The following EPHA10 variants were observed in gnomAD, a reference collection of about 807,000 sequenced individuals.
EPHA10 encodes the protein EPH receptor A10.
EPHA10 carries 120 observed loss-of-function variants against 109.7 expected under a neutral mutation model. That is an observed-to-expected ratio of 1.09 (90% confidence interval 0.94 to 1.27). EPHA10 has a LOEUF of 1.27. Among genes scored for constraint, EPHA10 ranks in the 50% most tolerant of loss-of-function variants. The pLI, the probability that EPHA10 is intolerant of heterozygous loss-of-function variation, is 0.00. For synonymous variants in EPHA10, 640 were observed against 618.9 expected (o/e 1.03, Z -0.51); for missense variants, 1,396 against 1,411.1 (o/e 0.99, Z 0.17).
At chr1:37,726,015 G>A (rs1458404698) in intron 8 of EPHA10, among the ~76,000 whole-genome samples, 1 of 152,212 alleles carries the variant, frequency 6.6e-6, no homozygotes, top group Non-Finnish European at 1.5e-5. Context: ...GCTGGATTTG[G>A]AATCCCGCGC....
Position 37,753,746 on chromosome 1 carries a change from C to T in EPHA10, c.1006+469G>A, listed in dbSNP as rs1032406531. ...GGCGAGCGGGAGGAGGGGCTTGCCC[C>T]GGGAAGGGTCAGAGACGGGGGCGTG... On this transcript the variant is annotated intron_variant, in intron 4 of 16. Coordinates refer to ENST00000373048, the MANE Select transcript of EPHA10 (RefSeq NM_001099439.2). Among the ~76,000 whole-genome samples, 11 of 140,184 alleles carry T rather than the reference C, an allele frequency of 7.8e-5. No homozygotes were observed. The East Asian group carries it at 2.0e-3, about 25-fold the overall frequency. The allele number at this position is 140,184 out of a possible 152,430, so 92.0% of individuals were successfully genotyped here.
chr1:37,725,267 G>C (rs187050409), intron 8 of EPHA10, among the ~76,000 whole-genome samples: 3 of 152,244 alleles, frequency 2.0e-5, no homozygotes, highest in Admixed American at 1.3e-4. Flanking sequence ...CACTTTGGGA[G>C]GCTGAGGTGG....
chr1:37,717,750 T>C lies in EPHA10; in HGVS notation c.*622A>G, dbSNP rs564400923. 319 of 230,950 alleles carry C rather than the reference T, an allele frequency of 1.4e-3. 2 individuals carry two copies. The highest frequency in any genetic ancestry group is 7.8e-3 in the Middle Eastern group (6 of 770). 14.3% of individuals were successfully genotyped at this position (230,950 alleles called of 1,614,324 possible). A position where few individuals can be genotyped will look rare whatever the true frequency, so the allele number is the denominator to read the frequency against. ...GCAGGGGGACACAGAAACCAGATCCTGAGTCTAGGGCTCTTGGGTATCAGC... is the reference window on the plus strand; with the variant it reads ...GCAGGGGGACACAGAAACCAGATCCCGAGTCTAGGGCTCTTGGGTATCAGC... On this transcript the variant is annotated 3_prime_UTR_variant, in exon 17 of 17. Coordinates refer to ENST00000373048, the MANE Select transcript of EPHA10 (RefSeq NM_001099439.2).
chr1:37,757,725 A>T (rs2148368937), intron 3 of EPHA10, among the ~76,000 whole-genome samples: 1 of 152,102 alleles, frequency 6.6e-6, no homozygotes, highest in African/African-American at 2.4e-5. Flanking sequence ...CTCACTCCTG[A>T]TCCATTCATT....
chr1:37,726,879 C>T (rs1476689077), intron 8 of EPHA10, among the ~76,000 whole-genome samples: 1 of 152,236 alleles, frequency 6.6e-6, no homozygotes, highest in Non-Finnish European at 1.5e-5. Flanking sequence ...GCGCTAAATC[C>T]CCTTCATCCC....
chr1:37,716,068 C>A lies in EPHA10; in HGVS notation c.*2304G>T. ...CCCCTCCGACTGGCCCCCTCCCTCCCAGGGTGAGCTCAGACCAGGGTAATG... is the reference window on the plus strand; with the variant it reads ...CCCCTCCGACTGGCCCCCTCCCTCCAAGGGTGAGCTCAGACCAGGGTAATG... On this transcript the variant is annotated 3_prime_UTR_variant, in exon 17 of 17. Transcript: ENST00000373048. The A allele has an allele frequency of 1.9e-6, 1 of 524,208 alleles. No individual in the cohort carries two copies. Among genetic ancestry groups the A allele is most frequent in the East Asian group, 3.5e-5 (1 of 28,376 alleles). The allele number at this position is 524,208 out of a possible 1,614,324, so 32.5% of individuals were successfully genotyped here. A position where few individuals can be genotyped will look rare whatever the true frequency, so the allele number is the denominator to read the frequency against.
intron 5 of EPHA10, among the ~76,000 whole-genome samples, chr1:37,746,635 CAT>C (rs1025728081): frequency 6.6e-6 from 1 of 152,040 alleles, no homozygotes; most frequent in African/African-American, 2.4e-5. Context: ...TATGCAAAAA[CAT>C]ATATTCATTA....
intron 8 of EPHA10, among the ~76,000 whole-genome samples, chr1:37,724,353 G>T (rs190074605): frequency 6.6e-6 from 1 of 152,140 alleles, no homozygotes; most frequent in African/African-American, 2.4e-5. Context: ...AAGATAAGAC[G>T]GGCGTTCGAC....
At chr1:37,725,933 C>T (rs1200817754) in intron 8 of EPHA10, among the ~76,000 whole-genome samples, 1 of 152,170 alleles carries the variant, frequency 6.6e-6, no homozygotes, top group Non-Finnish European at 1.5e-5. Flanking sequence ...CAGGCTGGGA[C>T]ATGCATGCTG....
intron 5 of EPHA10, among the ~76,000 whole-genome samples, chr1:37,750,646 T>C (rs1569746066): frequency 6.6e-6 from 1 of 151,984 alleles, no homozygotes; most frequent in Non-Finnish European, 1.5e-5. Context: ...GTGGCACAAT[T>C]ATCACTCGCT....
chr1:37,755,079 C>T (rs1167889295), intron 3 of EPHA10, among the ~76,000 whole-genome samples: 2 of 152,118 alleles, frequency 1.3e-5, no homozygotes, highest in Admixed American at 6.6e-5. Flanking sequence ...AAATTGCAGG[C>T]GTGAGCCACT....
intron 5 of EPHA10, among the ~76,000 whole-genome samples, chr1:37,739,688 CAAAAAAAA>C (rs66804054): frequency 1.0e-4 from 8 of 76,636 alleles, no homozygotes; most frequent in Non-Finnish European, 1.2e-4. Context: ...GACCCTGTCT[CAAAAAAAA>C]AAAAAAAAAA....
At position 37,761,446 on chromosome 1, in the gene EPHA10, C is replaced by A; in HGVS notation, c.809G>T (p.Ser270Ile). The A allele has an allele frequency of 3.8e-6, 6 of 1,599,718 alleles. No individual in the cohort carries two copies. Among genetic ancestry groups the A allele is most frequent in the Non-Finnish European group, 5.1e-6 (6 of 1,179,692 alleles). Residue 270 changes from serine (S) to isoleucine (I), a missense_variant, in exon 3 of 17, where the codon AGC (serine) becomes ATC (isoleucine). By Grantham distance (142) the Ser-to-Ile change is moderately radical. Coordinates refer to ENST00000373048, the MANE Select transcript of EPHA10 (RefSeq NM_001099439.2). ...ACGCTCCTGGAATCCCGCGCTGCAG[C>A]TGCAGCGGCCCACAGGCACCAGCCA... The part of the protein sequence containing the change: ...GEWLVPVGRC[S>I]CSAGFQERGD...
intron 5 of EPHA10, among the ~76,000 whole-genome samples, chr1:37,749,979 A>G (rs1233700873): frequency 6.6e-6 from 1 of 152,252 alleles, no homozygotes; most frequent in African/African-American, 2.4e-5. Context: ...GATCACCATC[A>G]TATATGCCAT....
At chr1:37,719,748 C>G (rs1317805686) in intron 14 of EPHA10, 141 bp from the exon 15 acceptor site, 1 of 1,386,732 alleles carries the variant, frequency 7.2e-7, no homozygotes, top group Non-Finnish European at 1.0e-6. Flanking sequence ...ACACACACAC[C>G]CAAGGAAGCC....
intron 5 of EPHA10, among the ~76,000 whole-genome samples, chr1:37,752,560 T>C (rs965393488): frequency 3.3e-5 from 5 of 152,052 alleles, no homozygotes; most frequent in Non-Finnish European, 7.4e-5. Context: ...ACAGAGGCTT[T>C]GTGCAAGGAG....
chr1:37,722,892 G>A, intron 10 of EPHA10, 149 bp downstream of exon 10: 1 of 1,183,490 alleles, frequency 8.4e-7, no homozygotes, highest in Non-Finnish European at 1.2e-6. Flanking sequence ...TGGAGGGTGG[G>A]CTTGGTGTGG....
In EPHA10 at chr1:37,754,402, T is replaced by C. The variant is rs1358907564; in HGVS notation, c.851-32A>G. ...GGCATGGCTGGTGAGAAGAGGGGGCTCCTCCAGTTTCTCCCCGCTTTCCTG... is the reference window on the plus strand; with the variant it reads ...GGCATGGCTGGTGAGAAGAGGGGGCCCCTCCAGTTTCTCCCCGCTTTCCTG... On this transcript the variant is annotated intron_variant, in intron 3 of 16. Transcript: ENST00000373048. The surrounding 1 kb of genome is among the most constrained non-coding windows in gnomAD (Gnocchi z 4.5). 41 of 1,276,904 alleles carry C rather than the reference T, an allele frequency of 3.2e-5. No homozygotes were observed. The highest frequency in any genetic ancestry group is 4.1e-5 in the Non-Finnish European group (41 of 1,008,056). 79.1% of individuals were successfully genotyped at this position (1,276,904 alleles called of 1,614,324 possible). A position where few individuals can be genotyped will look rare whatever the true frequency, so the allele number is the denominator to read the frequency against.
At chr1:37,731,657 C>G in intron 6 of EPHA10, 75 bp from the exon 7 acceptor site, 1 of 1,454,948 alleles carries the variant, frequency 6.9e-7, no homozygotes, top group Non-Finnish European at 9.2e-7. Flanking sequence ...TGAACAGGAA[C>G]AGGGAGGCAG....
Sources: gnomAD v4.1 joint callset for allele counts (sites outside exome capture counted in the v4.1 genomes callset) on GRCh38, gnomAD v4.1.1 for gene constraint, Gnocchi (gnomAD v3.1) non-coding constraint, MANE v1.5 for transcripts, NCBI Gene and HGNC (gene_info 2026-07-23, HGNC 2026-07-21) for gene names.